The following RAP1A variants were observed in gnomAD, a reference collection of about 807,000 sequenced individuals.
The protein encoded by RAP1A is ras-related protein Rap-1A.
A neutral mutation model predicts 26.4 loss-of-function variants in RAP1A; 6 were observed. The ratio of observed to expected loss-of-function variants is 0.23; its 90% CI spans 0.12 to 0.45. The LOEUF is 0.45. RAP1A is among the 20% of genes least tolerant of loss of function. RAP1A has a pLI of 0.99. For synonymous variants in RAP1A, 73 were observed against 79.4 expected, an observed-to-expected ratio of 0.92 and a Z score of 0.43; for missense variants, 121 against 217.2, an observed-to-expected ratio of 0.56 and a Z score of 2.78.
intron 1 of RAP1A, among the ~76,000 whole-genome samples, chr1:111,630,847 A>G (rs1387521571): frequency 6.6e-6 from 1 of 152,196 alleles, no homozygotes; most frequent in African/African-American, 2.4e-5. Flanking sequence ...GGATATCATT[A>G]TTTCTCTTTA....
At chr1:111,662,394 CAAAAAA>C (rs60481679) in intron 1 of RAP1A, among the ~76,000 whole-genome samples, 36 of 103,416 alleles carry the variant, frequency 3.5e-4, no homozygotes, top group Admixed American at 5.1e-4. Flanking sequence ...GACTCCATCT[CAAAAAA>C]AAAAAAAAAA....
Position 111,648,907 on chromosome 1 carries a change from G to C in RAP1A, c.-28+28973G>C, listed in dbSNP as rs756925646. 618 of 791,762 alleles carry C rather than the reference G, an allele frequency of 7.8e-4. 5 individuals are homozygous for C. The highest frequency in any genetic ancestry group is 9.7e-4 in the Non-Finnish European group (439 of 453,362). 49.0% of individuals were successfully genotyped at this position (791,762 alleles called of 1,614,324 possible). A position where few individuals can be genotyped will look rare whatever the true frequency, so the allele number is the denominator to read the frequency against. ...AACCCAGAGCTGGCAATCTGGGCTT[G>C]TAGGCCTTTTACTTCCCCTTTATGG... On this transcript the variant is annotated intron_variant, in intron 1 of 7. Transcript: ENST00000369709.
upstream of RAP1A, among the ~76,000 whole-genome samples, chr1:111,614,979 G>T (rs145826151): frequency 3.9e-5 from 6 of 152,264 alleles, no homozygotes; most frequent in African/African-American, 1.4e-4. Flanking sequence ...CTCCACTTAG[G>T]AGTTGCAATA....
At chr1:111,555,205 A>G (rs1657434978) in intron 1 of RAP1A, among the ~76,000 whole-genome samples, 1 of 151,786 alleles carries the variant, frequency 6.6e-6, no homozygotes, top group Non-Finnish European at 1.5e-5. Context: ...GTCTCTACTA[A>G]AAACACAAAA....
At chr1:111,690,930 A>G (rs58480170) in intron 1 of RAP1A, among the ~76,000 whole-genome samples, 19,270 of 152,310 alleles carry the variant, frequency 0.13, 1,551 homozygotes, top group South Asian at 0.18. Context: ...TTTTAAACAA[A>G]TAAAATAGCA....
chr1:111,629,894 C>T (rs1310591266), intron 1 of RAP1A, among the ~76,000 whole-genome samples: 1 of 152,178 alleles, frequency 6.6e-6, no homozygotes, highest in Non-Finnish European at 1.5e-5. Context: ...GAGGATACTT[C>T]TGCCTGTTTG....
intron 1 of RAP1A, among the ~76,000 whole-genome samples, chr1:111,647,013 A>G (rs1363596723): frequency 2.0e-5 from 3 of 152,068 alleles, no homozygotes; most frequent in Admixed American, 6.5e-5. Flanking sequence ...TTTGTCTCTT[A>G]CTGTCTCATA....
At chr1:111,551,765 TG>T (rs368096424) in intron 1 of RAP1A, among the ~76,000 whole-genome samples, 387 of 22,140 alleles carry the variant, frequency 0.017, no homozygotes, top group Non-Finnish European at 0.12. Context: ...TGTTTTGTTT[TG>T]TTTTTTTGAG....
intron 1 of RAP1A, among the ~76,000 whole-genome samples, chr1:111,688,062 A>T (rs1661544386): frequency 7.4e-6 from 1 of 136,036 alleles, no homozygotes; most frequent in Non-Finnish European, 1.6e-5. Context: ...CTTGTTCACG[A>T]TTTAAATGTA....
chr1:111,673,381 A>C (rs1323558073), intron 1 of RAP1A, among the ~76,000 whole-genome samples: 1 of 152,226 alleles, frequency 6.6e-6, no homozygotes, highest in Non-Finnish European at 1.5e-5. Flanking sequence ...ATTTTGTTTT[A>C]TAAGTTCAGT....
chr1:111,579,517 G>T (rs1172961119), intron 1 of RAP1A, among the ~76,000 whole-genome samples: 1 of 152,114 alleles, frequency 6.6e-6, no homozygotes, highest in African/African-American at 2.4e-5. Context: ...GCTCCATGTG[G>T]GTCCACAGCC....
chr1:111,677,292 T>A (rs1324152835), intron 1 of RAP1A, among the ~76,000 whole-genome samples: 1 of 152,202 alleles, frequency 6.6e-6, no homozygotes, highest in Non-Finnish European at 1.5e-5. Context: ...GTCTGTAGAT[T>A]TTTGGCTATT....
At chr1:111,636,866 A>T (rs941988843) in intron 1 of RAP1A, among the ~76,000 whole-genome samples, 3 of 152,166 alleles carry the variant, frequency 2.0e-5, no homozygotes, top group African/African-American at 4.8e-5. Flanking sequence ...TATTTCTATT[A>T]CTTCAGTACA....
chr1:111,691,251 A>G (rs1661656622), intron 1 of RAP1A, 83 bp from the exon 2 acceptor site: 1 of 917,522 alleles, frequency 1.1e-6, no homozygotes, highest in African/African-American at 1.7e-5. Context: ...AAACAAAACA[A>G]ACTCCTATGT....
At chr1:111,642,746 C>T (rs1659932906) in intron 1 of RAP1A, among the ~76,000 whole-genome samples, 1 of 150,738 alleles carries the variant, frequency 6.6e-6, no homozygotes, top group Non-Finnish European at 1.5e-5. Context: ...CTTGGCCTCC[C>T]AAGGAGCTGG....
intron 1 of RAP1A, among the ~76,000 whole-genome samples, chr1:111,674,952 A>C (rs1290661772): frequency 6.6e-6 from 1 of 152,012 alleles, no homozygotes; most frequent in Non-Finnish European, 1.5e-5. Context: ...AAATCTAATC[A>C]TATTAATTGT....
intron 1 of RAP1A, among the ~76,000 whole-genome samples, chr1:111,652,049 C>G (rs1440265470): frequency 6.6e-6 from 1 of 152,080 alleles, no homozygotes; most frequent in Non-Finnish European, 1.5e-5. Context: ...TCTTGGCTCA[C>G]TGCAACCTCA....
At chr1:111,708,969 A>G (rs972115355) in intron 6 of RAP1A, among the ~76,000 whole-genome samples, 180 bp from the exon 7 acceptor site, 5 of 152,216 alleles carry the variant, frequency 3.3e-5, no homozygotes, top group Admixed American at 1.3e-4. Flanking sequence ...TTCATTATAA[A>G]TAGGTAAGTC....
Position 111,691,437 on chromosome 1 carries a change from G to T in RAP1A, c.57+20G>T, listed in dbSNP as rs764258385. 1 of 1,587,802 alleles carries T rather than the reference G, an allele frequency of 6.3e-7. No individual in the cohort carries two copies. Among genetic ancestry groups the T allele is most frequent in the African/African-American group, 1.3e-5 (1 of 74,304 alleles). On this transcript the variant is annotated intron_variant, in intron 2 of 7. Coordinates refer to ENST00000369709, the MANE Select transcript of RAP1A (RefSeq NM_002884.4). ...GCTCTGGTAAGTTAGCCACCTAACT[G>T]TAACTGATTAATATAATACAAGAAG...
Sources: allele counts gnomAD v4.1 joint callset (sites outside exome capture counted in the v4.1 genomes callset), GRCh38; gene constraint gnomAD v4.1.1; transcripts MANE v1.5; gene names NCBI Gene and HGNC (gene_info 2026-07-23, HGNC 2026-07-21).